DOCK5: variants seen among roughly 807,000 people sequenced by gnomAD.
DOCK5 encodes the protein dedicator of cytokinesis protein 5.
In DOCK5, 142 loss-of-function variants were observed where a neutral mutation model predicts 251.8. The ratio of observed to expected loss-of-function variants is 0.56; its 90% confidence interval spans 0.49 to 0.65. DOCK5 has a LOEUF of 0.65. Among genes scored for constraint, DOCK5 ranks in the 30% least tolerant of loss-of-function variants. DOCK5 has a pLI of 0.00. For missense variants in DOCK5, 2,111 were observed against 2,312.3 expected (o/e 0.91, Z 1.79); for synonymous variants, 842 against 835.5 (o/e 1.01, Z -0.13).
intron 1 of DOCK5, among the ~76,000 whole-genome samples, chr8:25,222,622 CACTT>C (rs1426930934): frequency 5.3e-5 from 8 of 152,316 alleles, no homozygotes; most frequent in African/African-American, 1.9e-4. Context: ...CACATTAACA[CACTT>C]AGTTAGAGCA....
chr8:25,385,505 G>T (rs769638125), intron 40 of DOCK5, among the ~76,000 whole-genome samples: 2 of 152,112 alleles, frequency 1.3e-5, no homozygotes, highest in Non-Finnish European at 2.9e-5. Flanking sequence ...ATCATTGGAG[G>T]GGGTAGTTGA....
At chr8:25,379,655 A>G (rs1359279535) in intron 38 of DOCK5, among the ~76,000 whole-genome samples, 1 of 152,190 alleles carries the variant, frequency 6.6e-6, no homozygotes, top group Non-Finnish European at 1.5e-5. Flanking sequence ...GGATTAAGAG[A>G]TTAAAGTAAG....
intron 2 of DOCK5, among the ~76,000 whole-genome samples, chr8:25,263,612 C>T (rs1291747429): frequency 6.6e-6 from 1 of 151,554 alleles, no homozygotes; most frequent in Non-Finnish European, 1.5e-5. Flanking sequence ...ATGGGAACAC[C>T]CCCCTCACCC....
At chr8:25,313,425 C>G (rs983862358) in intron 13 of DOCK5, among the ~76,000 whole-genome samples, 1 of 152,112 alleles carries the variant, frequency 6.6e-6, no homozygotes, top group African/African-American at 2.4e-5. Flanking sequence ...TATTTCCTTC[C>G]CTTCTCATTG....
At chr8:25,287,724 G>A (rs1403542659) in intron 5 of DOCK5, among the ~76,000 whole-genome samples, 1 of 152,096 alleles carries the variant, frequency 6.6e-6, no homozygotes, top group Non-Finnish European at 1.5e-5. Context: ...ATGTGACAGT[G>A]GCGGATAATG....
intron 7 of DOCK5, 88 bp downstream of exon 7, chr8:25,296,736 A>G: frequency 6.6e-7 from 1 of 1,525,108 alleles, no homozygotes; most frequent in Non-Finnish European, 8.9e-7. Context: ...CATTGAGAAC[A>G]AAACTACTTC....
At position 25,372,537 on chromosome 8, in the gene DOCK5, GTC is replaced by G; in HGVS notation, c.3525-17_3525-16del. 6.4e-7 allele frequency: 1 copy of G among 1,552,648 alleles called. No individual in the cohort carries two copies. The highest frequency in any genetic ancestry group is 8.7e-7 in the Non-Finnish European group (1 of 1,155,202). ...ATGATAGCATGGAACCTGGGCTTTT[GTC>G]TCTCCCTCCGCCCCTCCAGGCTCCT... On this transcript the variant is annotated intron_variant, in intron 34 of 51. Coordinates refer to ENST00000276440, the MANE Select transcript of DOCK5 (RefSeq NM_024940.8).
chr8:25,361,689 A>G (rs1468600799), intron 28 of DOCK5, among the ~76,000 whole-genome samples: 1 of 152,226 alleles, frequency 6.6e-6, no homozygotes, highest in Non-Finnish European at 1.5e-5. Context: ...CTAGGATTTC[A>G]GAACTGAGGG....
At chr8:25,341,069 AG>A in intron 23 of DOCK5, 81 bp downstream of exon 23, 1 of 982,670 alleles carries the variant, frequency 1.0e-6, no homozygotes. Flanking sequence ...GGCCATCATG[AG>A]GGAGAAACAA....
intron 1 of DOCK5, among the ~76,000 whole-genome samples, chr8:25,232,460 A>G (rs183297175): frequency 1.7e-3 from 263 of 152,362 alleles, no homozygotes; most frequent in Non-Finnish European, 3.0e-3. Context: ...CTGGGTGGCT[A>G]GTAAACAACA....
At chr8:25,344,870 A>G (rs1192676212) in intron 25 of DOCK5, among the ~76,000 whole-genome samples, 1 of 152,196 alleles carries the variant, frequency 6.6e-6, no homozygotes, top group Admixed American at 6.5e-5. Flanking sequence ...GAGTGTGATC[A>G]CGGTTAACAG....
At chr8:25,188,272 G>A (rs1197409309) in intron 1 of DOCK5, among the ~76,000 whole-genome samples, 1 of 152,210 alleles carries the variant, frequency 6.6e-6, no homozygotes, top group African/African-American at 2.4e-5. Context: ...AGAAAACAAG[G>A]AAGCATGGAG....
chr8:25,402,529 C>A (rs1472659529), intron 47 of DOCK5, among the ~76,000 whole-genome samples: 1 of 152,114 alleles, frequency 6.6e-6, no homozygotes, highest in Non-Finnish European at 1.5e-5. Flanking sequence ...ATCTCCTGAC[C>A]TTGTGATCCG....
At chr8:25,292,293 T>C in intron 6 of DOCK5, 121 bp downstream of exon 6, 1 of 1,138,888 alleles carries the variant, frequency 8.8e-7, no homozygotes, top group Non-Finnish European at 1.2e-6. Context: ...TGCTTACTGC[T>C]CTCATTTTGT....
At chr8:25,237,179 C>A (rs1412506550) in intron 1 of DOCK5, among the ~76,000 whole-genome samples, 1 of 151,962 alleles carries the variant, frequency 6.6e-6, no homozygotes, top group Non-Finnish European at 1.5e-5. Context: ...CCAGCCTGTC[C>A]AACATGGTGA....
At chr8:25,411,165 C>A in intron 51 of DOCK5, 29 bp from the exon 52 acceptor site, 1 of 1,518,450 alleles carries the variant, frequency 6.6e-7, no homozygotes, top group South Asian at 1.3e-5. Context: ...CTAAGACCTG[C>A]TTCTAATTTT....
In DOCK5 at chr8:25,412,327, AG is replaced by A. The variant is rs1273511509; in HGVS notation, c.*1030del. 1.3e-5 allele frequency: 2 copies of A among 152,174 alleles called. No homozygotes were observed. Among genetic ancestry groups the A allele is most frequent in the Non-Finnish European group, 2.9e-5 (2 of 68,038 alleles). The allele number at this position is 152,174 out of a possible 1,614,324, so 9.4% of individuals were successfully genotyped here. ...TGGTACTAGTAGTACTCCTTTCAGA[AG>A]AAAAAATGGAGCGATTTAGGTGACC... On this transcript the variant is annotated 3_prime_UTR_variant, in exon 52 of 52. Coordinates refer to ENST00000276440, the MANE Select transcript of DOCK5 (RefSeq NM_024940.8).
chr8:25,347,851 AC>A (rs2117243663), intron 26 of DOCK5, among the ~76,000 whole-genome samples: 1 of 152,202 alleles, frequency 6.6e-6, no homozygotes, highest in African/African-American at 2.4e-5. Flanking sequence ...TCCACTTCTG[AC>A]CCTATTGTTT....
At chr8:25,303,888 CAG>C (rs1400992062) in intron 10 of DOCK5, among the ~76,000 whole-genome samples, 1 of 152,192 alleles carries the variant, frequency 6.6e-6, no homozygotes, top group Non-Finnish European at 1.5e-5. Flanking sequence ...ATTGCTTGAA[CAG>C]GGGAGGTGGA....
Sources: gnomAD v4.1 joint callset for allele counts (sites outside exome capture counted in the v4.1 genomes callset) on GRCh38, gnomAD v4.1.1 for gene constraint, MANE v1.5 for transcripts, NCBI Gene and HGNC (gene_info 2026-07-23, HGNC 2026-07-21) for gene names.